SLC11A2: variants seen among roughly 807,000 people sequenced by gnomAD.
The protein encoded by SLC11A2 is solute carrier family 11 member 2.
Under a neutral mutation model 68.0 loss-of-function variants are expected in SLC11A2, and 38 were observed. The observed-to-expected ratio is 0.56, with a 90% CI of 0.43 to 0.73. The LOEUF is 0.73. SLC11A2 is among the 30% of genes least tolerant of loss of function. The pLI, the probability that SLC11A2 is intolerant of heterozygous loss-of-function variation, is 0.00. For synonymous variants in SLC11A2, 242 were observed against 250.6 expected, an observed-to-expected ratio of 0.97 and a Z score of 0.32; for missense variants, 517 against 690.5, an observed-to-expected ratio of 0.75 and a Z score of 2.82.
chr12:50,999,467 T>C (rs775113719), intron 6 of SLC11A2, 52 bp from the exon 7 acceptor site: 1 of 1,404,812 alleles, frequency 7.1e-7, no homozygotes, highest in Admixed American at 1.7e-5. Flanking sequence ...AAAGGAAACA[T>C]TGAAAAACAC....
chr12:51,002,075 T>C (rs771095632), intron 5 of SLC11A2, among the ~76,000 whole-genome samples: 10 of 152,136 alleles, frequency 6.6e-5, no homozygotes, highest in Non-Finnish European at 1.5e-4. Flanking sequence ...AGGTCACCCA[T>C]GGTAGTTCAC....
chr12:50,997,459 T>C (rs1298073670), intron 8 of SLC11A2, among the ~76,000 whole-genome samples: 1 of 152,066 alleles, frequency 6.6e-6, no homozygotes, highest in Non-Finnish European at 1.5e-5. Context: ...CCCAGCACTT[T>C]AGGAGACCAA....
Position 50,987,430 on chromosome 12 carries a change from C to A in SLC11A2, c.*895G>T. ...ATAGATGGCTCTCCTCCCTTAAAGT[C>A]TTTTCTCCCCACCCTCAACATTTCA... On this transcript the variant is annotated 3_prime_UTR_variant, in exon 16 of 16. Transcript: ENST00000262052. The A allele has an allele frequency of 2.3e-6, 3 of 1,287,198 alleles. No individual in the cohort carries two copies. Among genetic ancestry groups the A allele is most frequent in the South Asian group, 1.2e-5 (1 of 80,940 alleles). The allele number at this position is 1,287,198 out of a possible 1,614,324, so 79.7% of individuals were successfully genotyped here.
chr12:50,964,276 C>A, the SLC11A2 span, among the ~76,000 whole-genome samples: 6 of 152,242 alleles, frequency 3.9e-5, no homozygotes, highest in Admixed American at 1.3e-4. Flanking sequence ...TATTCATCCA[C>A]TACACATTTC....
chr12:50,968,643 G>A, the SLC11A2 span, among the ~76,000 whole-genome samples: 22,719 of 152,050 alleles, frequency 0.15, 1,900 homozygotes, highest in South Asian at 0.27. Context: ...CCAGGTTCAA[G>A]TGATTCTCCT....
the SLC11A2 span, among the ~76,000 whole-genome samples, chr12:50,955,654 G>T: frequency 6.6e-6 from 1 of 152,112 alleles, no homozygotes; most frequent in African/African-American, 2.4e-5. Flanking sequence ...TATCAAGAAA[G>T]AATCAAATTT....
chr12:51,027,909 A>C, upstream of SLC11A2, among the ~76,000 whole-genome samples: 1 of 12,506 alleles, frequency 8.0e-5, no homozygotes, highest in Non-Finnish European at 4.0e-4. Context: ...TCGGGGACCA[A>C]AAAAAAGTGG....
chr12:50,957,092 C>A, the SLC11A2 span, among the ~76,000 whole-genome samples: 2 of 151,490 alleles, frequency 1.3e-5, no homozygotes, highest in African/African-American at 4.9e-5. Context: ...TTTACTGATT[C>A]TTATTTCCAT....
chr12:51,002,598 C>T (rs563052449), intron 5 of SLC11A2, among the ~76,000 whole-genome samples: 5 of 133,088 alleles, frequency 3.8e-5, no homozygotes, highest in Non-Finnish European at 7.7e-5. Context: ...AAGATCACAC[C>T]ACTGTACCCG....
chr12:51,007,959 CAACA>C (rs1942868694), intron 3 of SLC11A2, among the ~76,000 whole-genome samples: 1 of 152,104 alleles, frequency 6.6e-6, no homozygotes, highest in Non-Finnish European at 1.5e-5. Flanking sequence ...TCTTTTTCAT[CAACA>C]AACAAGAGGA....
the SLC11A2 span, among the ~76,000 whole-genome samples, chr12:50,958,231 T>G: frequency 6.6e-6 from 1 of 152,022 alleles, no homozygotes. Context: ...TAGACAAACT[T>G]ATTCTAAATC....
downstream of SLC11A2, chr12:50,979,600 T>A: frequency 3.3e-6 from 1 of 306,206 alleles, no homozygotes; most frequent in Non-Finnish European, 6.4e-6. Flanking sequence ...AGCGTAAAAC[T>A]GATGTGAATT....
intron 13 of SLC11A2, 106 bp from the exon 14 acceptor site, chr12:50,991,778 A>G: frequency 1.2e-6 from 1 of 838,648 alleles, no homozygotes; most frequent in South Asian, 1.4e-5. Flanking sequence ...CAACTACTCC[A>G]TGAGAAATAA....
rs17222470 is a variant in SLC11A2, at chr12:51,005,436, A to G, written c.184T>C (p.Tyr62His). Residue 62 changes from tyrosine (Y) to histidine (H), a missense_variant and splice_region_variant, in exon 4 of 16, where the codon TAC becomes CAC. By Grantham distance (83) the Tyr-to-His change is moderately conservative. Transcript: ENST00000262052. ...NEKISIPEEE[Y>H]SCFSFRKLWA... ...AGTTTACGAAAGCTAAAACAAGAGT[A>G]CTGTACAAGAGAGGAAAAGAGATTA... 9.3e-4 allele frequency: 1,507 copies of G among 1,613,644 alleles called. 20 individuals carry two copies. The African/African-American group carries it at 0.018, about 19-fold the overall frequency.
chr12:51,000,066 T>C (rs1223789514), intron 6 of SLC11A2, among the ~76,000 whole-genome samples: 2 of 151,888 alleles, frequency 1.3e-5, no homozygotes, highest in African/African-American at 2.4e-5. Context: ...TAAAATGACA[T>C]ACAAATCAAT....
At chr12:51,026,530 C>A (rs1191598441), upstream of SLC11A2, 2 of 378,116 alleles carry the variant, frequency 5.3e-6, no homozygotes. Context: ...TGCGGCGGCC[C>A]CTGGGGCACG....
At chr12:50,953,979 T>C in the SLC11A2 span, 2 of 1,450,716 alleles carry the variant, frequency 1.4e-6, no homozygotes, top group Non-Finnish European at 1.9e-6. Flanking sequence ...ATTTATATCC[T>C]ATTGTTACTA....
the SLC11A2 span, chr12:50,970,551 T>C: frequency 8.5e-7 from 1 of 1,180,008 alleles, no homozygotes; most frequent in Non-Finnish European, 1.2e-6. Context: ...TTCTGAAAAC[T>C]ATTTATTATG....
downstream of SLC11A2, chr12:50,981,651 A>G (rs765877486): frequency 9.6e-6 from 9 of 938,562 alleles, no homozygotes; most frequent in Admixed American, 4.0e-5. Context: ...CTGAACTAAC[A>G]GAGACGTTAA....
Sources: gnomAD v4.1 joint callset for allele counts (sites outside exome capture counted in the v4.1 genomes callset) on GRCh38, gnomAD v4.1.1 for gene constraint, MANE v1.5 for transcripts, NCBI Gene and HGNC (gene_info 2026-07-23, HGNC 2026-07-21) for gene names.